The following NAALADL2 variants were observed in gnomAD, a reference collection of about 807,000 sequenced individuals.
The protein encoded by NAALADL2 is inactive N-acetylated-alpha-linked acidic dipeptidase-like protein 2.
NAALADL2 carries 76 observed loss-of-function variants against 87.2 expected under a neutral mutation model. That is an observed-to-expected ratio of 0.87 (90% CI 0.72 to 1.05). The LOEUF is 1.05. Among genes scored for constraint, NAALADL2 ranks in the 50% least tolerant of loss-of-function variants. NAALADL2 has a pLI of 0.00. For synonymous variants in NAALADL2, 354 were observed against 331.0 expected (o/e 1.07, Z -0.75); for missense variants, 1,089 against 945.8 (o/e 1.15, Z -1.99).
chr3:175,576,444 A>C (rs1718905965), intron 10 of NAALADL2, among the ~76,000 whole-genome samples: 1 of 152,222 alleles, frequency 6.6e-6, no homozygotes, highest in South Asian at 2.1e-4. Context: ...GCAATGAGAA[A>C]TTTGCAGTAG....
intron 1 of NAALADL2, among the ~76,000 whole-genome samples, chr3:174,947,527 A>G (rs1739624616): frequency 6.6e-6 from 1 of 152,306 alleles, no homozygotes; most frequent in African/African-American, 2.4e-5. Flanking sequence ...GGAAAGTACT[A>G]TTCTTTTCAA....
At chr3:175,475,916 T>C (rs2149305862) in intron 9 of NAALADL2, among the ~76,000 whole-genome samples, 1 of 152,036 alleles carries the variant, frequency 6.6e-6, no homozygotes, top group African/African-American at 2.4e-5. Context: ...GAGATGGGGG[T>C]CTTGCTGTGT....
intron 4 of NAALADL2, among the ~76,000 whole-genome samples, chr3:175,299,423 G>A (rs1459765900): frequency 6.7e-6 from 1 of 148,636 alleles, no homozygotes; most frequent in Non-Finnish European, 1.5e-5. Context: ...TTATCCATGA[G>A]CATGGAATCT....
intron 13 of NAALADL2, among the ~76,000 whole-genome samples, chr3:175,780,237 C>G (rs1026026069): frequency 6.6e-6 from 1 of 151,366 alleles, no homozygotes; most frequent in Non-Finnish European, 1.5e-5. Flanking sequence ...GATCGCGCCA[C>G]TGCACTCCAG....
At chr3:174,709,530 T>A (rs1730422490) in intron 2 of NAALADL2, among the ~76,000 whole-genome samples, 1 of 152,152 alleles carries the variant, frequency 6.6e-6, no homozygotes, top group Non-Finnish European at 1.5e-5. Flanking sequence ...TCAAAATTTG[T>A]ATTCTTAAGG....
intron 1 of NAALADL2, among the ~76,000 whole-genome samples, chr3:175,048,440 T>A (rs1237339180): frequency 6.6e-6 from 1 of 152,098 alleles, no homozygotes; most frequent in Non-Finnish European, 1.5e-5. Context: ...GTGTGCTTGC[T>A]GTGGCAACTT....
At chr3:175,503,053 AGGT>A (rs919632748) in intron 9 of NAALADL2, among the ~76,000 whole-genome samples, 2 of 151,816 alleles carry the variant, frequency 1.3e-5, no homozygotes, top group Non-Finnish European at 2.9e-5. Flanking sequence ...AGTACTGGAT[AGGT>A]GGTTTTTCAG....
At chr3:175,144,293 G>A (rs933923240) in intron 2 of NAALADL2, among the ~76,000 whole-genome samples, 3 of 151,874 alleles carry the variant, frequency 2.0e-5, no homozygotes, top group African/African-American at 4.8e-5. Context: ...CATTGGGCAC[G>A]TTTCGGTTAA....
At chr3:175,155,458 A>T (rs1732169325) in intron 2 of NAALADL2, among the ~76,000 whole-genome samples, 1 of 152,138 alleles carries the variant, frequency 6.6e-6, no homozygotes, top group African/African-American at 2.4e-5. Context: ...TCACCACAGC[A>T]AAACTAGTTC....
intron 4 of NAALADL2, among the ~76,000 whole-genome samples, chr3:175,279,487 T>G (rs980101021): frequency 6.8e-6 from 1 of 147,542 alleles, no homozygotes; most frequent in South Asian, 2.1e-4. Flanking sequence ...AAACATGAGG[T>G]TTTTTTTTTA....
At chr3:174,611,204 C>T (rs987819210) in intron 2 of NAALADL2, among the ~76,000 whole-genome samples, 3 of 151,548 alleles carry the variant, frequency 2.0e-5, no homozygotes, top group Non-Finnish European at 4.4e-5. Flanking sequence ...TTAGGAGATA[C>T]ACCTAATGGT....
intron 1 of NAALADL2, among the ~76,000 whole-genome samples, chr3:174,548,270 G>A (rs972525576): frequency 2.6e-5 from 4 of 151,746 alleles, no homozygotes; most frequent in African/African-American, 9.7e-5. Context: ...GTTTTTAAAG[G>A]GTACATAACA....
intron 11 of NAALADL2, among the ~76,000 whole-genome samples, chr3:175,697,032 T>G (rs759657812): frequency 5.3e-5 from 8 of 152,092 alleles, no homozygotes; most frequent in Non-Finnish European, 7.4e-5. Context: ...GGCAATTAAA[T>G]TTCAGCATGA....
At chr3:174,987,743 C>T (rs1462138258) in intron 1 of NAALADL2, among the ~76,000 whole-genome samples, 1 of 145,758 alleles carries the variant, frequency 6.9e-6, no homozygotes, top group Non-Finnish European at 1.5e-5. Context: ...CCTCCTCCCT[C>T]AGCCTTCTGA....
chr3:175,057,061 C>T (rs1489308424), intron 1 of NAALADL2, among the ~76,000 whole-genome samples: 1 of 152,196 alleles, frequency 6.6e-6, no homozygotes, highest in Non-Finnish European at 1.5e-5. Context: ...GTTGCTTTCA[C>T]ATTGACTACT....
chr3:175,547,395 T>C (rs189179642), intron 9 of NAALADL2, among the ~76,000 whole-genome samples: 32 of 151,956 alleles, frequency 2.1e-4, no homozygotes, highest in African/African-American at 7.7e-4. Context: ...CATTACCATA[T>C]ACAAAAATTA....
chr3:175,586,187 T>G (rs1273407744), intron 10 of NAALADL2, among the ~76,000 whole-genome samples: 1 of 152,080 alleles, frequency 6.6e-6, no homozygotes, highest in Non-Finnish European at 1.5e-5. Flanking sequence ...CAGGTTTCTA[T>G]GTCTAGTTCA....
intron 3 of NAALADL2, among the ~76,000 whole-genome samples, chr3:174,762,323 T>A (rs1713125873): frequency 6.7e-6 from 1 of 149,584 alleles, no homozygotes; most frequent in Non-Finnish European, 1.5e-5. Flanking sequence ...CTGGCTAATT[T>A]TTTGTATTTT....
chr3:175,240,822 A>C (rs1039647811), intron 3 of NAALADL2, among the ~76,000 whole-genome samples: 1 of 151,860 alleles, frequency 6.6e-6, no homozygotes, highest in Non-Finnish European at 1.5e-5. Flanking sequence ...CACCCGGCTA[A>C]TTTTGTATTT....
Sources: gnomAD v4.1 joint callset for allele counts (sites outside exome capture counted in the v4.1 genomes callset) on GRCh38, gnomAD v4.1.1 for gene constraint, MANE v1.5 for transcripts, NCBI Gene and HGNC (gene_info 2026-07-23, HGNC 2026-07-21) for gene names.